The following SAMD3 variants were observed in gnomAD, a reference collection of about 807,000 sequenced individuals.
The protein encoded by SAMD3 is sterile alpha motif domain containing 3.
A neutral mutation model predicts 58.5 loss-of-function variants in SAMD3; 63 were observed. The ratio of observed to expected loss-of-function variants is 1.08; its 90% confidence interval spans 0.88 to 1.33. The LOEUF is 1.33. Among genes scored for constraint, SAMD3 ranks in the 40% most tolerant of loss-of-function variants. The pLI is 0.00. For missense variants in SAMD3, 604 were observed against 608.4 expected (o/e 0.99, Z 0.08); for synonymous variants, 220 against 210.3 (o/e 1.05, Z -0.40).
chr6:130,284,307 G>A (rs1775085028), intron 2 of SAMD3, among the ~76,000 whole-genome samples: 2 of 152,186 alleles, frequency 1.3e-5, no homozygotes, highest in African/African-American at 2.4e-5. Context: ...TTCAATTTTA[G>A]TTCCTGTTTA....
At chr6:130,154,520 C>A (rs932251509) in intron 9 of SAMD3, among the ~76,000 whole-genome samples, 3 of 151,074 alleles carry the variant, frequency 2.0e-5, no homozygotes, top group Non-Finnish European at 4.4e-5. Flanking sequence ...ATGGTGAAAC[C>A]CCATCTCTAC....
chr6:130,301,452 G>A (rs11962433), intron 2 of SAMD3, among the ~76,000 whole-genome samples: 25,612 of 152,000 alleles, frequency 0.17, 2,403 homozygotes, highest in East Asian at 0.36. Context: ...AAATGGAAAA[G>A]TATCCCATCC....
Position 130,292,024 on chromosome 6 carries a change from ATACT to A in SAMD3, c.-188+20950_-188+20953del, listed in dbSNP as rs1036718758. 6.6e-4 allele frequency among the ~76,000 whole-genome samples: 100 copies of A among 152,336 alleles called. 3 individuals carry two copies. The Middle Eastern group carries it at 0.01, about 16-fold the overall frequency. ...TGACCTTTATTATTAAGCTAATCTA[ATACT>A]TAATCTGTTTTCAAAACTGTGAATT... On this transcript the variant is annotated intron_variant, in intron 2 of 13. Coordinates refer to the SAMD3 transcript ENST00000368134.
At chr6:130,302,853 T>C (rs986988626) in intron 2 of SAMD3, among the ~76,000 whole-genome samples, 2 of 152,190 alleles carry the variant, frequency 1.3e-5, no homozygotes, top group African/African-American at 4.8e-5. Context: ...TTACCACTTA[T>C]AAGTAAGAGC....
intron 8 of SAMD3, among the ~76,000 whole-genome samples, chr6:130,169,995 T>C (rs1293024141): frequency 2.8e-5 from 4 of 144,610 alleles, no homozygotes; most frequent in Non-Finnish European, 4.5e-5. Context: ...TTGAGAAAAG[T>C]AACTTATGCA....
rs562581863 is a variant in SAMD3 at position 130,195,188 on chromosome 6, A to C, written c.384-10565T>G. Among the ~76,000 whole-genome samples, 9 of 151,834 alleles carry C rather than the reference A, an allele frequency of 5.9e-5. 1 individual carries two copies. In the South Asian group the frequency reaches 1.9e-3, roughly 32 times the overall value. ...ATTGCTGCCCTTCTCCCCAACCCAAAGCCTCCTTCATGTCCTCCTCTTGTA... is the reference window on the plus strand; with the variant it reads ...ATTGCTGCCCTTCTCCCCAACCCAACGCCTCCTTCATGTCCTCCTCTTGTA... On this transcript the variant is annotated intron_variant, in intron 5 of 11. Coordinates refer to ENST00000439090, the MANE Select transcript of SAMD3 (RefSeq NM_001017373.4).
In SAMD3 at chr6:130,259,638, C is replaced by T. The variant is rs554775443; in HGVS notation, c.-187-36825G>A. On this transcript the variant is annotated intron_variant, in intron 2 of 13. Transcript: ENST00000368134. The stretch of plus-strand genomic sequence containing the variant: ...GGCCCTTTACCATTGTCTCAGTACC[C>T]GATTTAGAGGAAAAGGCCTGCCAGG... 3.9e-5 allele frequency among the ~76,000 whole-genome samples: 6 copies of T among 152,196 alleles called. No individual in the cohort carries two copies. In the South Asian group the frequency reaches 6.2e-4, roughly 16 times the overall value.
chr6:130,150,796 CT>C (rs1391804063), intron 9 of SAMD3, among the ~76,000 whole-genome samples: 1 of 151,648 alleles, frequency 6.6e-6, no homozygotes, highest in Non-Finnish European at 1.5e-5. Context: ...ACTATAGCCT[CT>C]GCCTTCCAGG....
rs146447517 is a variant in SAMD3 at position 130,200,067 on chromosome 6, G to A, written c.383+9428C>T. On this transcript the variant is annotated intron_variant, in intron 5 of 11. Coordinates refer to ENST00000439090, the MANE Select transcript of SAMD3 (RefSeq NM_001017373.4). ...CCCCAGTGTGAGATTCAAGGCCTCG[G>A]GAGTCTTTGGGGCCCTAATTCATCA... Among the ~76,000 whole-genome samples, 656 of 151,958 alleles carry A rather than the reference G, an allele frequency of 4.3e-3. 3 individuals are homozygous for A. The highest frequency in any genetic ancestry group is 0.014 in the African/African-American group (576 of 41,402).
intron 8 of SAMD3, among the ~76,000 whole-genome samples, chr6:130,159,285 T>G (rs1790070574): frequency 6.6e-6 from 1 of 152,192 alleles, no homozygotes; most frequent in Admixed American, 6.5e-5. Flanking sequence ...ACAGAAGATG[T>G]GACTTTCTCC....
At chr6:130,348,422 G>T (rs1366210187) in intron 1 of SAMD3, among the ~76,000 whole-genome samples, 1 of 152,090 alleles carries the variant, frequency 6.6e-6, no homozygotes, top group Non-Finnish European at 1.5e-5. Flanking sequence ...GGCAGGGGTT[G>T]CAATCCTAGT....
At chr6:130,327,616 A>G (rs720711) in intron 1 of SAMD3, among the ~76,000 whole-genome samples, 67,809 of 152,066 alleles carry the variant, frequency 0.45, 17,456 homozygotes, top group African/African-American at 0.71. Context: ...TCAACTTGGC[A>G]TGAAGCCTTA....
intron 5 of SAMD3, among the ~76,000 whole-genome samples, chr6:130,186,767 ATTTTTTT>A (rs35592601): frequency 2.8e-5 from 3 of 107,036 alleles, no homozygotes; most frequent in Admixed American, 1.1e-4. Context: ...CCTTCCTGGG[ATTTTTTT>A]TTTTTTTTTT....
chr6:130,254,410 A>G (rs1238110033), intron 2 of SAMD3, among the ~76,000 whole-genome samples: 3 of 151,578 alleles, frequency 2.0e-5, no homozygotes, highest in Admixed American at 1.3e-4. Context: ...TGGGCAGGCC[A>G]CTCTCGAACT....
upstream of SAMD3, among the ~76,000 whole-genome samples, chr6:130,226,597 C>T (rs540446487): frequency 2.6e-5 from 4 of 152,282 alleles, no homozygotes; most frequent in Admixed American, 6.5e-5. Flanking sequence ...GAGGCCAAGG[C>T]GGGTGCATCA....
intron 2 of SAMD3, among the ~76,000 whole-genome samples, chr6:130,287,671 C>A (rs190837349): frequency 6.6e-6 from 1 of 152,142 alleles, no homozygotes; most frequent in East Asian, 1.9e-4. Flanking sequence ...TGTGGCCGGG[C>A]GCAGTGGCTC....
intron 2 of SAMD3, among the ~76,000 whole-genome samples, chr6:130,252,868 G>A (rs1773786756): frequency 6.6e-6 from 1 of 152,150 alleles, no homozygotes; most frequent in African/African-American, 2.4e-5. Flanking sequence ...TCTATATTGG[G>A]TATCTGCTCT....
chr6:130,344,229 T>TC (rs1234529381), intron 1 of SAMD3, among the ~76,000 whole-genome samples: 1 of 152,236 alleles, frequency 6.6e-6, no homozygotes, highest in Admixed American at 6.5e-5. Context: ...TTTTGTTATT[T>TC]GTCCTCCCAG....
intron 7 of SAMD3, among the ~76,000 whole-genome samples, chr6:130,182,229 G>A (rs1792417742): frequency 6.6e-6 from 1 of 150,678 alleles, no homozygotes. Flanking sequence ...GTGTAGTATT[G>A]TTGTTGTTGC....
Sources: allele counts gnomAD v4.1 joint callset (sites outside exome capture counted in the v4.1 genomes callset), GRCh38; gene constraint gnomAD v4.1.1; transcripts MANE v1.5; gene names NCBI Gene and HGNC (gene_info 2026-07-23, HGNC 2026-07-21).